The following GABRB3 variants were observed in gnomAD, a reference collection of about 807,000 sequenced individuals.
The protein encoded by GABRB3 is gamma-aminobutyric acid receptor subunit beta-3.
In GABRB3, 14 loss-of-function variants were observed where a neutral mutation model predicts 52.1. That is an observed-to-expected ratio of 0.27 (90% CI 0.18 to 0.42). The LOEUF (loss-of-function observed/expected upper bound fraction) is 0.42. Among genes scored for constraint, GABRB3 ranks in the 10% least tolerant of loss-of-function variants. The pLI, the probability that GABRB3 is intolerant of heterozygous loss-of-function variation, is 1.00. For missense variants in GABRB3, 307 were observed against 609.1 expected, an observed-to-expected ratio of 0.50 and a Z score of 5.22; for synonymous variants, 260 against 232.3, an observed-to-expected ratio of 1.12 and a Z score of -1.08.
At chr15:26,610,652 C>T (rs1426219) in intron 4 of GABRB3, among the ~76,000 whole-genome samples, 48,994 of 152,050 alleles carry the variant, frequency 0.32, 9,413 homozygotes, top group Middle Eastern at 0.47. Flanking sequence ...TTCTGTAGTG[C>T]TGTTTGGCCC....
intron 3 of GABRB3, among the ~76,000 whole-genome samples, chr15:26,655,035 A>G (rs1595511270): frequency 6.6e-6 from 1 of 152,272 alleles, no homozygotes; most frequent in Admixed American, 6.5e-5. Flanking sequence ...ATTATAAAAT[A>G]ATTACTGTTT....
chr15:26,691,829 C>A (rs1888598839), intron 3 of GABRB3, among the ~76,000 whole-genome samples: 1 of 152,178 alleles, frequency 6.6e-6, no homozygotes, highest in Non-Finnish European at 1.5e-5. Context: ...ATCTGCCCCA[C>A]AACCCATTCC....
intron 3 of GABRB3, among the ~76,000 whole-genome samples, chr15:26,728,769 A>G (rs1295996711): frequency 6.6e-6 from 1 of 152,114 alleles, no homozygotes; most frequent in Non-Finnish European, 1.5e-5. Flanking sequence ...CCTGTATGTT[A>G]TTTTCCAAAA....
At chr15:26,679,607 G>A (rs144560826) in intron 3 of GABRB3, among the ~76,000 whole-genome samples, 97 of 152,162 alleles carry the variant, frequency 6.4e-4, no homozygotes, top group African/African-American at 2.3e-3. Flanking sequence ...TTCTCTAATA[G>A]AGAATAGCAG....
chr15:26,622,220 A>G (rs959023198), intron 3 of GABRB3, among the ~76,000 whole-genome samples: 4 of 152,160 alleles, frequency 2.6e-5, no homozygotes, highest in African/African-American at 9.7e-5. Flanking sequence ...AGACAGGGCC[A>G]TGGTGTTGTC....
chr15:26,583,530 C>T, intron 4 of GABRB3, 116 bp from the exon 5 acceptor site: 1 of 762,754 alleles, frequency 1.3e-6, no homozygotes, highest in Non-Finnish European at 2.3e-6. Flanking sequence ...GTACGCCTGG[C>T]TAAACATCAT....
chr15:26,623,130 C>T (rs1326817318), intron 3 of GABRB3, among the ~76,000 whole-genome samples: 1 of 152,170 alleles, frequency 6.6e-6, no homozygotes, highest in East Asian at 1.9e-4. Flanking sequence ...GCTAGGTAGA[C>T]AGCAGGTACA....
chr15:26,674,740 C>A (rs935065912), intron 3 of GABRB3, among the ~76,000 whole-genome samples: 5 of 152,108 alleles, frequency 3.3e-5, no homozygotes, highest in African/African-American at 1.2e-4. Context: ...CAAACGAGAC[C>A]TGAAATCGTG....
chr15:26,556,563 G>A (rs1400702858), intron 8 of GABRB3, among the ~76,000 whole-genome samples: 1 of 152,160 alleles, frequency 6.6e-6, no homozygotes, highest in Non-Finnish European at 1.5e-5. Flanking sequence ...AACCAAAGAT[G>A]AACTCTTGGG....
At chr15:26,665,075 T>C (rs1475624282) in intron 3 of GABRB3, among the ~76,000 whole-genome samples, 2 of 152,200 alleles carry the variant, frequency 1.3e-5, no homozygotes, top group East Asian at 1.9e-4. Context: ...GTATATTTTA[T>C]ATATAACATT....
chr15:26,629,993 G>C (rs953664535), intron 3 of GABRB3, among the ~76,000 whole-genome samples: 13 of 152,016 alleles, frequency 8.6e-5, no homozygotes, highest in Admixed American at 3.9e-4. Flanking sequence ...GAAGGCTGTA[G>C]GTAAAGGCAA....
At chr15:26,729,897 T>C (rs1304569160) in intron 3 of GABRB3, among the ~76,000 whole-genome samples, 1 of 152,198 alleles carries the variant, frequency 6.6e-6, no homozygotes, top group Non-Finnish European at 1.5e-5. Flanking sequence ...CTACAGAACA[T>C]CTGCCCCAGC....
intron 4 of GABRB3, among the ~76,000 whole-genome samples, chr15:26,583,700 T>C (rs1890870453): frequency 6.6e-6 from 1 of 152,032 alleles, no homozygotes; most frequent in Non-Finnish European, 1.5e-5. Flanking sequence ...ATTTGTAATA[T>C]ACAGCATGAT....
In GABRB3 at chr15:26,567,749, A is replaced by G. The variant is rs1269995867; in HGVS notation, c.683-16T>C. The G allele has an allele frequency of 1.5e-5, 24 of 1,613,172 alleles. No homozygotes were observed. Among genetic ancestry groups the G allele is most frequent in the Non-Finnish European group, 1.9e-5 (23 of 1,179,652 alleles). Reference sequence around the variant, plus strand: ...GGATAGGCACCTATGGGAAACAGACAAGGATATTACACTGGAGAAACAACA... The same window carrying G: ...GGATAGGCACCTATGGGAAACAGACGAGGATATTACACTGGAGAAACAACA... On this transcript the variant is annotated splice_polypyrimidine_tract_variant and intron_variant, in intron 6 of 8. Coordinates refer to ENST00000311550, the MANE Select transcript of GABRB3 (RefSeq NM_000814.6).
chr15:26,752,288 G>C (rs907579213), intron 3 of GABRB3, among the ~76,000 whole-genome samples: 2 of 149,808 alleles, frequency 1.3e-5, no homozygotes, highest in South Asian at 2.1e-4. Flanking sequence ...TTTTGAGAGG[G>C]AGTCTCACTG....
chr15:26,711,440 C>T (rs1305934392), intron 3 of GABRB3, among the ~76,000 whole-genome samples: 1 of 144,316 alleles, frequency 6.9e-6, no homozygotes, highest in Non-Finnish European at 1.5e-5. Context: ...ACGGATGTGG[C>T]ATATTCTAAA....
chr15:26,668,444 G>T (rs189260007), intron 3 of GABRB3, among the ~76,000 whole-genome samples: 1 of 152,136 alleles, frequency 6.6e-6, no homozygotes, highest in Non-Finnish European at 1.5e-5. Context: ...GCCTAGGGCC[G>T]AACTGACTCA....
At chr15:26,554,223 C>G (rs1889669169) in intron 8 of GABRB3, among the ~76,000 whole-genome samples, 1 of 61,790 alleles carries the variant, frequency 1.6e-5, no homozygotes, top group African/African-American at 4.3e-5. Context: ...GAAACAAGGT[C>G]TCTCTTTGTT....
At chr15:26,654,869 G>A (rs1021964904) in intron 3 of GABRB3, among the ~76,000 whole-genome samples, 45 of 152,056 alleles carry the variant, frequency 3.0e-4, no homozygotes, top group African/African-American at 1.1e-3. Flanking sequence ...TCTCACTTCC[G>A]TTGCCCATGC....
Sources: allele counts gnomAD v4.1 joint callset (sites outside exome capture counted in the v4.1 genomes callset), GRCh38; gene constraint gnomAD v4.1.1; transcripts MANE v1.5; gene names NCBI Gene and HGNC (gene_info 2026-07-23, HGNC 2026-07-21).